NKAIN3: variants seen among roughly 807,000 people sequenced by gnomAD.
The protein encoded by NKAIN3 is sodium/potassium-transporting ATPase subunit beta-1-interacting protein 3.
A neutral mutation model predicts 30.2 loss-of-function variants in NKAIN3; 25 were observed. The observed-to-expected ratio is 0.83, with a 90% CI of 0.60 to 1.16. NKAIN3 has a LOEUF of 1.16. Ranked by LOEUF, NKAIN3 falls within the 50% of genes most tolerant of loss-of-function variation. The pLI is 0.00. For missense variants in NKAIN3, 225 were observed against 254.1 expected, an observed-to-expected ratio of 0.89 and a Z score of 0.78; for synonymous variants, 91 against 89.6, an observed-to-expected ratio of 1.02 and a Z score of -0.09.
At chr8:62,548,542 G>A (rs965024196) in intron 1 of NKAIN3, among the ~76,000 whole-genome samples, 23 of 151,948 alleles carry the variant, frequency 1.5e-4, no homozygotes, top group Non-Finnish European at 8.8e-5. Context: ...CAGAGTCCTG[G>A]GCACCTTTAA....
intron 3 of NKAIN3, among the ~76,000 whole-genome samples, chr8:62,690,092 C>T (rs1262032209): frequency 6.6e-6 from 1 of 152,184 alleles, no homozygotes; most frequent in Non-Finnish European, 1.5e-5. Context: ...CCCCACCCAT[C>T]TGAATTAGCT....
At chr8:62,704,396 T>G (rs1456142618) in intron 3 of NKAIN3, among the ~76,000 whole-genome samples, 4 of 152,172 alleles carry the variant, frequency 2.6e-5, no homozygotes, top group Admixed American at 6.5e-5. Context: ...TCCTTTTTTC[T>G]AGAGAAGGAG....
Position 62,249,092 on chromosome 8 carries a change from C to A in NKAIN3, c.19C>A (p.Arg7Ser). The A allele has an allele frequency of 6.5e-7, 1 of 1,538,978 alleles. No individual in the cohort carries two copies. The highest frequency in any genetic ancestry group is 8.7e-7 in the Non-Finnish European group (1 of 1,144,144). Residue 7 changes from arginine to serine, a missense_variant, in exon 1 of 7, where the codon CGC becomes AGC. Transcript: ENST00000623646. The stretch of plus-strand genomic sequence containing the variant: ...CGGCACCATGGGCTGCTGCACCGGA[C>A]GCTGCTCGCTCATCTGCCTCTGCGC... MGCCTG[R>S]CSLICLCALQ...
intron 4 of NKAIN3, among the ~76,000 whole-genome samples, chr8:62,804,612 A>G (rs992138108): frequency 2.0e-5 from 3 of 152,228 alleles, no homozygotes; most frequent in African/African-American, 7.2e-5. Context: ...GCTTCATGCT[A>G]AAAACTCTCA....
chr8:62,528,305 T>TTATATATATATATATTATATTA (rs55728279), intron 1 of NKAIN3, among the ~76,000 whole-genome samples: 27 of 121,204 alleles, frequency 2.2e-4, no homozygotes, highest in African/African-American at 6.1e-4. Context: ...ATATATTATA[T>TTATATATATATATATTATATTA]TATATATATA....
chr8:62,693,741 C>G (rs935183454), intron 3 of NKAIN3, among the ~76,000 whole-genome samples: 1 of 152,150 alleles, frequency 6.6e-6, no homozygotes, highest in Non-Finnish European at 1.5e-5. Flanking sequence ...CTAATCACCT[C>G]CTGCAAAGCC....
chr8:62,743,053 A>T (rs1032561998), intron 3 of NKAIN3, among the ~76,000 whole-genome samples: 14 of 152,112 alleles, frequency 9.2e-5, no homozygotes, highest in African/African-American at 3.4e-4. Flanking sequence ...ATTACCTCCA[A>T]CAGGTCCCTT....
intron 1 of NKAIN3, among the ~76,000 whole-genome samples, chr8:62,365,942 C>T (rs7819419): frequency 0.017 from 2,658 of 152,152 alleles, 84 homozygotes; most frequent in African/African-American, 0.06. Flanking sequence ...GTATTCCCCC[C>T]GCTTGAATTT....
intron 4 of NKAIN3, among the ~76,000 whole-genome samples, chr8:62,787,981 A>T (rs926905546): frequency 1.2e-4 from 18 of 152,058 alleles, no homozygotes; most frequent in African/African-American, 4.3e-4. Flanking sequence ...ATAGTGCCGC[A>T]ATAAACATAC....
At chr8:62,666,126 T>C (rs1426232729) in intron 3 of NKAIN3, among the ~76,000 whole-genome samples, 2 of 151,940 alleles carry the variant, frequency 1.3e-5, no homozygotes, top group East Asian at 3.9e-4. Flanking sequence ...AGGCAGAGAA[T>C]TGCTTGAACC....
intron 1 of NKAIN3, among the ~76,000 whole-genome samples, chr8:62,298,075 A>G (rs1563924082): frequency 6.6e-6 from 1 of 150,904 alleles, no homozygotes; most frequent in Non-Finnish European, 1.5e-5. Context: ...TCACAAGAAC[A>G]AAAAACCAAA....
intron 3 of NKAIN3, among the ~76,000 whole-genome samples, chr8:62,635,906 A>G (rs189091530): frequency 6.6e-6 from 1 of 152,202 alleles, no homozygotes; most frequent in Non-Finnish European, 1.5e-5. Flanking sequence ...GAATTTTAGC[A>G]GAAGCCTTAC....
At chr8:62,815,347 G>A (rs1818640748) in intron 4 of NKAIN3, among the ~76,000 whole-genome samples, 1 of 152,082 alleles carries the variant, frequency 6.6e-6, no homozygotes, top group Non-Finnish European at 1.5e-5. Flanking sequence ...AGGAAAAGAG[G>A]GAATCCTCCC....
chr8:62,475,729 A>G (rs1209189627), intron 1 of NKAIN3, among the ~76,000 whole-genome samples: 1 of 152,198 alleles, frequency 6.6e-6, no homozygotes, highest in Non-Finnish European at 1.5e-5. Context: ...CCAAAGGCAC[A>G]TGTTTATGAT....
At chr8:62,535,682 T>A (rs1157872105) in intron 1 of NKAIN3, among the ~76,000 whole-genome samples, 2 of 152,126 alleles carry the variant, frequency 1.3e-5, no homozygotes. Context: ...ACATGGAGCT[T>A]CCATACCCTC....
intron 1 of NKAIN3, among the ~76,000 whole-genome samples, chr8:62,377,487 T>A (rs998824844): frequency 6.6e-6 from 1 of 152,224 alleles, no homozygotes; most frequent in Non-Finnish European, 1.5e-5. Context: ...ACTAACACAC[T>A]GTTATTGCCT....
chr8:62,827,664 G>A (rs894197944), intron 4 of NKAIN3, among the ~76,000 whole-genome samples: 3 of 152,030 alleles, frequency 2.0e-5, no homozygotes, highest in African/African-American at 7.2e-5. Flanking sequence ...CCAGATAGAA[G>A]TCTACAAACT....
At chr8:62,607,737 C>A (rs1811170524) in intron 3 of NKAIN3, among the ~76,000 whole-genome samples, 1 of 151,922 alleles carries the variant, frequency 6.6e-6, no homozygotes, top group African/African-American at 2.4e-5. Flanking sequence ...CCTTGGCCCC[C>A]AGAGAAATTT....
chr8:62,435,265 C>T (rs940199229), intron 1 of NKAIN3, among the ~76,000 whole-genome samples: 3 of 152,056 alleles, frequency 2.0e-5, no homozygotes, highest in African/African-American at 7.2e-5. Flanking sequence ...AAGGCACTTC[C>T]TCCTGGGGGC....
Sources: allele counts gnomAD v4.1 joint callset (sites outside exome capture counted in the v4.1 genomes callset), GRCh38; gene constraint gnomAD v4.1.1; transcripts MANE v1.5; gene names NCBI Gene and HGNC (gene_info 2026-07-23, HGNC 2026-07-21).